Variants in CDH13 observed in about 807,000 individuals in gnomAD.
CDH13 encodes the protein cadherin 13.
A neutral mutation model predicts 63.8 loss-of-function variants in CDH13; 24 were observed. The observed-to-expected ratio is 0.38, with a 90% CI of 0.27 to 0.53. The LOEUF (loss-of-function observed/expected upper bound fraction) is 0.53. Ranked by LOEUF, CDH13 falls within the 20% of genes least tolerant of loss-of-function variation. CDH13 has a pLI of 0.85. For missense variants in CDH13, 1,049 were observed against 903.1 expected (o/e 1.16, Z -2.07); for synonymous variants, 503 against 355.3 (o/e 1.42, Z -4.67).
chr16:83,673,682 T>C (rs1281586073), intron 9 of CDH13, among the ~76,000 whole-genome samples: 27 of 152,202 alleles, frequency 1.8e-4, no homozygotes, highest in Admixed American at 1.8e-3. Context: ...TCTCAAATGC[T>C]AGCATATATA....
intron 1 of CDH13, among the ~76,000 whole-genome samples, chr16:82,654,392 C>G (rs1336995862): frequency 1.3e-5 from 2 of 152,194 alleles, no homozygotes; most frequent in African/African-American, 4.8e-5. Flanking sequence ...TTGAGCCAAG[C>G]ATATAACATT....
intron 7 of CDH13, among the ~76,000 whole-genome samples, chr16:83,496,132 C>G (rs1238599292): frequency 6.6e-6 from 1 of 152,054 alleles, no homozygotes; most frequent in Non-Finnish European, 1.5e-5. Flanking sequence ...CTACCAATGA[C>G]TTTCTTCACA....
intron 5 of CDH13, among the ~76,000 whole-genome samples, chr16:83,222,537 A>T (rs1189670057): frequency 6.6e-6 from 1 of 152,202 alleles, no homozygotes; most frequent in Non-Finnish European, 1.5e-5. Context: ...CGTTCATGTT[A>T]TGAACAAATG....
At chr16:82,950,065 A>T (rs72790160) in intron 2 of CDH13, among the ~76,000 whole-genome samples, 9,536 of 152,186 alleles carry the variant, frequency 0.063, 446 homozygotes, top group East Asian at 0.16. Flanking sequence ...TCCTATAACA[A>T]AGTGCCACAA....
chr16:83,256,101 T>C, intron 5 of CDH13, among the ~76,000 whole-genome samples: 1 of 152,218 alleles, frequency 6.6e-6, no homozygotes, highest in East Asian at 1.9e-4. Flanking sequence ...TGGCACCATC[T>C]TTGCTCACTG....
intron 1 of CDH13, among the ~76,000 whole-genome samples, chr16:82,691,424 G>C (rs9921865): frequency 0.11 from 16,260 of 152,176 alleles, 984 homozygotes; most frequent in Middle Eastern, 0.18. Context: ...GGTGAAAGTT[G>C]GTGAATGGGT....
intron 1 of CDH13, among the ~76,000 whole-genome samples, chr16:82,770,990 C>T (rs770313498): frequency 1.2e-4 from 19 of 152,212 alleles, no homozygotes; most frequent in Non-Finnish European, 2.8e-4. Context: ...GCTAGGATTA[C>T]AGCCGTGAGC....
At chr16:82,667,403 A>C (rs555983084) in intron 1 of CDH13, among the ~76,000 whole-genome samples, 12 of 152,300 alleles carry the variant, frequency 7.9e-5, no homozygotes, top group African/African-American at 2.6e-4. Flanking sequence ...GTCCCTGAGA[A>C]GCCTGCCTCA....
rs562441859 is a variant in CDH13, at chr16:82,837,794, A to C, written c.46-20568A>C. 5.3e-5 allele frequency among the ~76,000 whole-genome samples: 8 copies of C among 152,310 alleles called. No individual in the cohort carries two copies. The East Asian group carries it at 1.5e-3, about 29-fold the overall frequency. On this transcript the variant is annotated intron_variant, in intron 1 of 13. Coordinates refer to ENST00000567109, the MANE Select transcript of CDH13 (RefSeq NM_001257.5). ...AGCAACATTCCTGACTCCCGGAAGA[A>C]AAGCAAGAGTTCAGCATAAACCGAA...
chr16:83,757,194 G>A (rs1286812866), intron 11 of CDH13, among the ~76,000 whole-genome samples: 1 of 152,110 alleles, frequency 6.6e-6, no homozygotes, highest in Non-Finnish European at 1.5e-5. Flanking sequence ...AACAAAAATA[G>A]AAATATGAAA....
chr16:83,320,279 C>T (rs905680796), intron 5 of CDH13, among the ~76,000 whole-genome samples: 1 of 151,982 alleles, frequency 6.6e-6, no homozygotes. Context: ...CTGCTGGACT[C>T]AAGTGATCCT....
chr16:82,714,487 G>A (rs1271661536), intron 1 of CDH13, among the ~76,000 whole-genome samples: 3 of 151,966 alleles, frequency 2.0e-5, no homozygotes, highest in Non-Finnish European at 4.4e-5. Flanking sequence ...GCCGAGGCTG[G>A]CAGATCACCT....
At chr16:82,950,383 CT>C (rs1905168056) in intron 2 of CDH13, among the ~76,000 whole-genome samples, 1 of 152,022 alleles carries the variant, frequency 6.6e-6, no homozygotes, top group Non-Finnish European at 1.5e-5. Flanking sequence ...CAAATCTCAT[CT>C]TGAATTGTAG....
At chr16:83,672,146 C>G (rs965565572) in intron 9 of CDH13, among the ~76,000 whole-genome samples, 1 of 152,188 alleles carries the variant, frequency 6.6e-6, no homozygotes, top group African/African-American at 2.4e-5. Context: ...CACCAGTTTC[C>G]TCATCTGTAA....
Position 82,803,855 on chromosome 16 carries a change from A to G in CDH13, c.46-54507A>G, listed in dbSNP as rs918367187. Among the ~76,000 whole-genome samples, 4 of 152,294 alleles carry G rather than the reference A, an allele frequency of 2.6e-5. No individual in the cohort carries two copies. In the South Asian group the frequency reaches 6.2e-4, roughly 24 times the overall value. ...ATTGCTCAGTGGGTATAAAGCATCA[A>G]TTATATGGGAAGAAAAAGTTCTAGA... On this transcript the variant is annotated intron_variant, in intron 1 of 13. Transcript: ENST00000567109.
At chr16:82,661,866 G>T (rs1377641664) in intron 1 of CDH13, among the ~76,000 whole-genome samples, 1 of 152,208 alleles carries the variant, frequency 6.6e-6, no homozygotes, top group Non-Finnish European at 1.5e-5. Context: ...CCTGTAATTA[G>T]GGGACTTGTT....
At chr16:83,120,129 CG>C (rs895004885) in intron 3 of CDH13, among the ~76,000 whole-genome samples, 1 of 152,052 alleles carries the variant, frequency 6.6e-6, no homozygotes, top group Non-Finnish European at 1.5e-5. Flanking sequence ...CAGCAGCCCC[CG>C]AACCCTGTCC....
chr16:83,313,346 T>A (rs1256580632), intron 5 of CDH13, among the ~76,000 whole-genome samples: 1 of 152,180 alleles, frequency 6.6e-6, no homozygotes, highest in African/African-American at 2.4e-5. Flanking sequence ...GATATTGATA[T>A]CCAACTCAAT....
chr16:83,155,812 G>C (rs79215388), intron 4 of CDH13, among the ~76,000 whole-genome samples: 3,563 of 152,254 alleles, frequency 0.023, 106 homozygotes, highest in South Asian at 0.086. Context: ...CAGTAGCTCA[G>C]GTAAACACAC....
Sources: allele counts gnomAD v4.1 joint callset (sites outside exome capture counted in the v4.1 genomes callset), GRCh38; gene constraint gnomAD v4.1.1; transcripts MANE v1.5; gene names NCBI Gene and HGNC (gene_info 2026-07-23, HGNC 2026-07-21).